The following TRPM3 variants were observed in gnomAD, a reference collection of about 807,000 sequenced individuals.
TRPM3 encodes the protein transient receptor potential cation channel subfamily M member 3.
Under a neutral mutation model 181.2 loss-of-function variants are expected in TRPM3, and 77 were observed. The observed-to-expected ratio is 0.42, with a 90% CI of 0.35 to 0.51. TRPM3 has a LOEUF of 0.51. Among genes scored for constraint, TRPM3 ranks in the 20% least tolerant of loss-of-function variants. TRPM3 has a pLI of 0.01. For synonymous variants in TRPM3, 745 were observed against 796.4 expected, an observed-to-expected ratio of 0.94 and a Z score of 1.09; for missense variants, 1,759 against 2,196.7, an observed-to-expected ratio of 0.80 and a Z score of 3.98.
chr9:70,926,447 T>G (rs1353342100), intron 1 of TRPM3, among the ~76,000 whole-genome samples: 1 of 152,100 alleles, frequency 6.6e-6, no homozygotes, highest in African/African-American at 2.4e-5. Flanking sequence ...CATAGAGAGA[T>G]GCACAAAAAA....
chr9:71,170,597 T>C (rs2076800011), intron 1 of TRPM3, among the ~76,000 whole-genome samples: 1 of 152,204 alleles, frequency 6.6e-6, no homozygotes, highest in African/African-American at 2.4e-5. Context: ...TCTTTTGTAA[T>C]TTCTTATGCC....
At chr9:71,070,057 C>A (rs1205425712) in intron 1 of TRPM3, among the ~76,000 whole-genome samples, 2 of 152,146 alleles carry the variant, frequency 1.3e-5, no homozygotes, top group Non-Finnish European at 2.9e-5. Flanking sequence ...TGAGTATTGA[C>A]CATGAAATTC....
At chr9:71,179,836 C>G (rs1409564637) in intron 1 of TRPM3, among the ~76,000 whole-genome samples, 1 of 152,046 alleles carries the variant, frequency 6.6e-6, no homozygotes, top group Non-Finnish European at 1.5e-5. Flanking sequence ...GTGAGACTTT[C>G]CTAATGAAAT....
chr9:70,821,109 T>G (rs771401473), intron 6 of TRPM3, among the ~76,000 whole-genome samples: 47 of 149,756 alleles, frequency 3.1e-4, no homozygotes, highest in Non-Finnish European at 4.9e-4. Flanking sequence ...TATTTCTTAA[T>G]TTTTATTTTT....
At chr9:71,093,773 A>G (rs2066642840) in intron 1 of TRPM3, among the ~76,000 whole-genome samples, 1 of 152,192 alleles carries the variant, frequency 6.6e-6, no homozygotes, top group African/African-American at 2.4e-5. Flanking sequence ...TTCTACTATG[A>G]AGACACATAC....
At chr9:70,540,927 G>T (rs112881216) in intron 25 of TRPM3, among the ~76,000 whole-genome samples, 2 of 152,224 alleles carry the variant, frequency 1.3e-5, no homozygotes, top group African/African-American at 4.8e-5. Flanking sequence ...TCACCATGTT[G>T]CCTAGGCTGG....
chr9:71,342,256 G>GTATA lies in TRPM3; in HGVS notation c.183+104393_183+104396dup, dbSNP rs34481193. Among the ~76,000 whole-genome samples, 1,057 of 142,158 alleles carry GTATA rather than the reference G, an allele frequency of 7.4e-3. 5 individuals are homozygous for GTATA. Among genetic ancestry groups the GTATA allele is most frequent in the South Asian group, 0.021 (96 of 4,528 alleles). 93.3% of individuals were successfully genotyped at this position (142,158 alleles called of 152,430 possible). Reference sequence around the variant, plus strand: ...AAATTGGTGATATCTTTAAATAGGTGTATATATATATATAAATAAATATAT... The same window carrying GTATA: ...AAATTGGTGATATCTTTAAATAGGTGTATATATATATATATATAAATAAATATAT... On this transcript the variant is annotated intron_variant, in intron 1 of 24. Coordinates refer to the TRPM3 transcript ENST00000357533.
chr9:71,045,708 G>T (rs2059355569), intron 1 of TRPM3, among the ~76,000 whole-genome samples: 1 of 152,152 alleles, frequency 6.6e-6, no homozygotes, highest in Non-Finnish European at 1.5e-5. Context: ...AAGTAATGCA[G>T]ATTTGTTTTC....
intron 9 of TRPM3, among the ~76,000 whole-genome samples, chr9:70,655,214 G>A (rs2060143274): frequency 7.2e-6 from 1 of 139,514 alleles, no homozygotes; most frequent in African/African-American, 2.7e-5. Flanking sequence ...GCTGGGGCAG[G>A]AGAATCACTT....
intron 1 of TRPM3, among the ~76,000 whole-genome samples, chr9:71,235,948 A>G (rs2081328990): frequency 2.0e-5 from 3 of 152,244 alleles, no homozygotes; most frequent in African/African-American, 7.2e-5. Context: ...AAAATGCTTC[A>G]TAACTTACTT....
intron 5 of TRPM3, among the ~76,000 whole-genome samples, chr9:70,830,074 G>T (rs1156982081): frequency 6.6e-6 from 1 of 152,140 alleles, no homozygotes; most frequent in Non-Finnish European, 1.5e-5. Flanking sequence ...TGAGAAGGAG[G>T]GGTAAGACCA....
At chr9:71,434,845 T>C (rs1282046849) in intron 1 of TRPM3, among the ~76,000 whole-genome samples, 1 of 152,190 alleles carries the variant, frequency 6.6e-6, no homozygotes, top group Admixed American at 6.5e-5. Flanking sequence ...CTATAATCTT[T>C]ATTTATGGAG....
At chr9:70,598,738 T>C in intron 20 of TRPM3, 68 bp from the exon 21 acceptor site, 1 of 1,557,514 alleles carries the variant, frequency 6.4e-7, no homozygotes, top group Non-Finnish European at 8.7e-7. Flanking sequence ...AGTTGGGAAG[T>C]GCTTGGTCTG....
chr9:71,119,288 C>G (rs1353106209), intron 1 of TRPM3, among the ~76,000 whole-genome samples: 5 of 152,190 alleles, frequency 3.3e-5, no homozygotes, highest in African/African-American at 9.6e-5. Context: ...GAAGGACACA[C>G]AGTAATGCAC....
At chr9:70,626,031 T>A (rs2064527134) in intron 12 of TRPM3, among the ~76,000 whole-genome samples, 1 of 152,206 alleles carries the variant, frequency 6.6e-6, no homozygotes, top group Non-Finnish European at 1.5e-5. Flanking sequence ...ATGGAGTATT[T>A]ATTTTTCTAG....
chr9:71,096,935 G>C (rs2067383093), intron 1 of TRPM3, among the ~76,000 whole-genome samples: 2 of 152,124 alleles, frequency 1.3e-5, no homozygotes, highest in African/African-American at 4.8e-5. Context: ...TCCCATGGCA[G>C]TCATTTCATT....
chr9:71,290,899 GA>G (rs2085751297), intron 1 of TRPM3, among the ~76,000 whole-genome samples: 1 of 151,628 alleles, frequency 6.6e-6, no homozygotes, highest in Non-Finnish European at 1.5e-5. Flanking sequence ...GAAAAAAGTT[GA>G]AAAAGGCAAG....
At chr9:71,348,419 T>A (rs1022402065) in intron 1 of TRPM3, among the ~76,000 whole-genome samples, 1 of 149,580 alleles carries the variant, frequency 6.7e-6, no homozygotes, top group African/African-American at 2.5e-5. Flanking sequence ...ACTCATTTAA[T>A]CTGCAAACTA....
chr9:71,230,915 T>C (rs1366562966), intron 1 of TRPM3, among the ~76,000 whole-genome samples: 2 of 152,198 alleles, frequency 1.3e-5, no homozygotes, highest in South Asian at 2.1e-4. Flanking sequence ...TTTCATATCT[T>C]AAAGGCAAAT....
Sources: allele counts gnomAD v4.1 joint callset (sites outside exome capture counted in the v4.1 genomes callset), GRCh38; gene constraint gnomAD v4.1.1; transcripts MANE v1.5; gene names NCBI Gene and HGNC (gene_info 2026-07-23, HGNC 2026-07-21).